CPED1: variants seen among roughly 807,000 people sequenced by gnomAD.
CPED1 encodes the protein cadherin like and PC-esterase domain containing 1, also known as cadherin-like and PC-esterase domain-containing protein 1.
CPED1 carries 114 observed loss-of-function variants against 128.2 expected under a neutral mutation model. The ratio of observed to expected loss-of-function variants is 0.89; its 90% confidence interval spans 0.76 to 1.04. The LOEUF is 1.04. CPED1 is among the 50% of genes least tolerant of loss of function. CPED1 has a pLI of 0.00. For synonymous variants in CPED1, 462 were observed against 426.7 expected (o/e 1.08, Z -1.02); for missense variants, 1,211 against 1,207.1 (o/e 1.00, Z -0.05).
chr7:121,157,179 CATAG>C (rs1490034822), intron 16 of CPED1, among the ~76,000 whole-genome samples: 2 of 152,140 alleles, frequency 1.3e-5, no homozygotes, highest in Non-Finnish European at 2.9e-5. Flanking sequence ...ATATACTTTA[CATAG>C]AGTTTTGGCT....
intron 22 of CPED1, among the ~76,000 whole-genome samples, chr7:121,295,158 C>T (rs1215718656): frequency 3.9e-5 from 6 of 151,936 alleles, no homozygotes; most frequent in Non-Finnish European, 1.5e-5. Flanking sequence ...CACACACACA[C>T]ACACACACAC....
At chr7:121,066,246 C>T (rs1219546347) in intron 5 of CPED1, among the ~76,000 whole-genome samples, 1 of 151,986 alleles carries the variant, frequency 6.6e-6, no homozygotes, top group Non-Finnish European at 1.5e-5. Flanking sequence ...TGGAGGTTGA[C>T]AAAACACAAA....
intron 2 of CPED1, among the ~76,000 whole-genome samples, chr7:120,998,795 T>A (rs1466153230): frequency 6.6e-6 from 1 of 151,708 alleles, no homozygotes; most frequent in South Asian, 2.1e-4. Flanking sequence ...TATAGGCAAG[T>A]CTTCAGTTTT....
At chr7:121,094,759 T>G (rs1459759960) in intron 5 of CPED1, among the ~76,000 whole-genome samples, 1 of 152,178 alleles carries the variant, frequency 6.6e-6, no homozygotes, top group Non-Finnish European at 1.5e-5. Context: ...ATTTTCATAA[T>G]GCTTTTTCCC....
At chr7:121,220,056 G>T (rs1338780544) in intron 16 of CPED1, among the ~76,000 whole-genome samples, 1 of 151,940 alleles carries the variant, frequency 6.6e-6, no homozygotes, top group Non-Finnish European at 1.5e-5. Flanking sequence ...GTTTAATTTT[G>T]TCCTATACTT....
At chr7:121,240,753 T>C (rs967418883) in intron 17 of CPED1, among the ~76,000 whole-genome samples, 28 of 93,694 alleles carry the variant, frequency 3.0e-4, no homozygotes, top group Middle Eastern at 6.5e-3. Context: ...GGCCTCAGAT[T>C]GCCTCTTCTG....
At chr7:121,207,402 A>C (rs1468360948) in intron 16 of CPED1, among the ~76,000 whole-genome samples, 1 of 152,072 alleles carries the variant, frequency 6.6e-6, no homozygotes, top group Non-Finnish European at 1.5e-5. Flanking sequence ...TATAACTTAA[A>C]GTAAAAAATG....
At position 121,130,164 on chromosome 7, in the gene CPED1, C is replaced by G. The variant is rs772751460; in HGVS notation, c.1447C>G (p.His483Asp). Reference sequence around the variant, plus strand: ...TACTCCTGGGATTCAGTCACTGATGCATGAATTTTATGATGTGGCAAATCC... The same window carrying G: ...TACTCCTGGGATTCAGTCACTGATGGATGAATTTTATGATGTGGCAAATCC... Reference protein sequence around the residue: ...STTPGIQSLMHEFYDVANPVG... With the variant: ...STTPGIQSLMDEFYDVANPVG... The change falls in exon 12 of 23, where the codon CAT (histidine) becomes GAT (aspartate). Residue 483 changes from histidine (H) to aspartate (D), a missense_variant. Transcript: ENST00000310396. The G allele has an allele frequency of 5.6e-6, 9 of 1,612,550 alleles. No homozygotes were observed. The East Asian group carries it at 2.0e-4, about 36-fold the overall frequency.
chr7:121,274,391 G>GT (rs1198586173), intron 22 of CPED1, among the ~76,000 whole-genome samples: 4 of 152,040 alleles, frequency 2.6e-5, no homozygotes, highest in African/African-American at 9.7e-5. Flanking sequence ...TGACTTTATA[G>GT]TTTTTGGTGT....
chr7:121,198,252 CA>C (rs1797313682), intron 16 of CPED1, among the ~76,000 whole-genome samples: 2 of 152,080 alleles, frequency 1.3e-5, no homozygotes, highest in South Asian at 4.1e-4. Flanking sequence ...ACCAAACTGA[CA>C]AAATAAGAAG....
intron 22 of CPED1, among the ~76,000 whole-genome samples, chr7:121,271,844 C>T (rs1002149995): frequency 1.3e-5 from 2 of 152,096 alleles, no homozygotes; most frequent in Non-Finnish European, 2.9e-5. Context: ...CTTTCATTGC[C>T]TTGTCCAATG....
At chr7:121,006,536 G>C (rs1334589736) in intron 2 of CPED1, among the ~76,000 whole-genome samples, 1 of 151,872 alleles carries the variant, frequency 6.6e-6, no homozygotes, top group Non-Finnish European at 1.5e-5. Context: ...GAGGGAAGGA[G>C]AAGAGACTAA....
intron 16 of CPED1, among the ~76,000 whole-genome samples, chr7:121,196,775 A>T (rs1387428342): frequency 6.6e-6 from 1 of 151,260 alleles, no homozygotes; most frequent in East Asian, 1.9e-4. Context: ...AATAGATGAG[A>T]CCGAATTTTA....
intron 16 of CPED1, among the ~76,000 whole-genome samples, chr7:121,199,435 G>A (rs182652045): frequency 1.6e-3 from 247 of 151,870 alleles, no homozygotes; most frequent in African/African-American, 5.6e-3. Context: ...ATCCCAGCAC[G>A]TTGGGAGGCA....
At chr7:120,992,209 C>A (rs1228648534) in intron 2 of CPED1, among the ~76,000 whole-genome samples, 1 of 151,988 alleles carries the variant, frequency 6.6e-6, no homozygotes, top group Non-Finnish European at 1.5e-5. Flanking sequence ...TTCCTGAAAA[C>A]CTAGAATTAG....
At chr7:121,021,211 A>G (rs551083293) in intron 3 of CPED1, among the ~76,000 whole-genome samples, 11 of 152,106 alleles carry the variant, frequency 7.2e-5, no homozygotes, top group African/African-American at 2.4e-4. Flanking sequence ...TATAGTTAAT[A>G]GAGCAAGAGA....
chr7:121,284,280 C>G (rs1792518995), intron 22 of CPED1, among the ~76,000 whole-genome samples: 2 of 152,134 alleles, frequency 1.3e-5, no homozygotes, highest in Non-Finnish European at 2.9e-5. Context: ...CACGAGGTCC[C>G]TCTCATAACA....
intron 16 of CPED1, among the ~76,000 whole-genome samples, chr7:121,158,991 C>T (rs1796352537): frequency 6.6e-6 from 1 of 152,216 alleles, no homozygotes; most frequent in South Asian, 2.1e-4. Flanking sequence ...ATAATAATTT[C>T]CAGCTATCCC....
intron 16 of CPED1, among the ~76,000 whole-genome samples, chr7:121,190,446 G>A (rs532132799): frequency 6.6e-6 from 1 of 151,020 alleles, no homozygotes; most frequent in Non-Finnish European, 1.5e-5. Flanking sequence ...CAGGAGGACA[G>A]GGTGATTTTG....
Sources: allele counts gnomAD v4.1 joint callset (sites outside exome capture counted in the v4.1 genomes callset), GRCh38; gene constraint gnomAD v4.1.1; transcripts MANE v1.5; gene names NCBI Gene and HGNC (gene_info 2026-07-23, HGNC 2026-07-21).